The following CES5A variants were observed in gnomAD, a reference collection of about 807,000 sequenced individuals.
The protein encoded by CES5A is carboxylesterase 5.
A neutral mutation model predicts 62.9 loss-of-function variants in CES5A; 67 were observed. That is an observed-to-expected ratio of 1.07 (90% CI 0.88 to 1.31). The LOEUF (loss-of-function observed/expected upper bound fraction) is 1.31. Among genes scored for constraint, CES5A ranks in the 50% most tolerant of loss-of-function variants. CES5A has a pLI of 0.00. For missense variants in CES5A, 748 were observed against 708.5 expected (o/e 1.06, Z -0.63); for synonymous variants, 296 against 280.8 (o/e 1.05, Z -0.54).
intron 7 of CES5A, among the ~76,000 whole-genome samples, chr16:55,859,961 G>T (rs1489199443): frequency 6.6e-6 from 1 of 152,102 alleles, no homozygotes; most frequent in Non-Finnish European, 1.5e-5. Context: ...AAAAACAGTG[G>T]CCTGTTATAT....
At position 55,871,759 on chromosome 16, in the gene CES5A, G is replaced by A. The variant is rs760284149; in HGVS notation, c.283C>T (p.Leu95Phe). Residue 95 changes from leucine (L) to phenylalanine (F), a missense_variant, in exon 3 of 13, where the codon CTC becomes TTC. Coordinates refer to ENST00000290567, the MANE Select transcript of CES5A (RefSeq NM_001143685.2). The part of the protein sequence containing the change: ...REATSYPNLC[L>F]QNSEWLLLDQ... ...AAGAGCAGCCACTCTGAGTTCTGGA[G>A]GCACCTTGGAGAAGGAGAGGAGAAA... The A allele has an allele frequency of 1.5e-5, 24 of 1,613,902 alleles. No individual in the cohort carries two copies. The highest frequency in any genetic ancestry group is 2.0e-5 in the Non-Finnish European group (24 of 1,179,940).
At chr16:55,883,571 G>C (rs2033783718) in intron 1 of CES5A, among the ~76,000 whole-genome samples, 1 of 152,166 alleles carries the variant, frequency 6.6e-6, no homozygotes, top group Admixed American at 6.5e-5. Flanking sequence ...CTGCACCCGG[G>C]CCACCGTTGC....
At chr16:55,944,310 T>C in intron 2 of CES5A, 1 of 580,038 alleles carries the variant, frequency 1.7e-6, no homozygotes, top group South Asian at 2.2e-5. Flanking sequence ...TGAGAAGATC[T>C]AATGAAGTAA....
At chr16:55,884,103 T>C (rs1422840220) in intron 1 of CES5A, among the ~76,000 whole-genome samples, 7 of 152,234 alleles carry the variant, frequency 4.6e-5, no homozygotes, top group East Asian at 1.9e-4. Context: ...ATTATCATGG[T>C]ATATACTTGC....
chr16:55,945,392 T>C (rs1442802398), intron 2 of CES5A, among the ~76,000 whole-genome samples: 1 of 152,266 alleles, frequency 6.6e-6, no homozygotes, highest in African/African-American at 2.4e-5. Context: ...CCAGGAGCGC[T>C]GCCTTCAGCT....
intron 10 of CES5A, 40 bp from the exon 11 acceptor site, chr16:55,849,813 C>CG (rs758034568): frequency 6.2e-7 from 1 of 1,603,180 alleles, no homozygotes; most frequent in Non-Finnish European, 8.5e-7. Flanking sequence ...GCATGCAGCG[C>CG]GGAGCAGGGG....
chr16:55,865,292 G>T (rs547263293), intron 5 of CES5A, among the ~76,000 whole-genome samples: 1 of 152,214 alleles, frequency 6.6e-6, no homozygotes, highest in East Asian at 1.9e-4. Context: ...TATAGATATA[G>T]ATATATAGAT....
intron 2 of CES5A, among the ~76,000 whole-genome samples, chr16:55,934,475 G>T (rs2034347176): frequency 6.6e-6 from 1 of 152,204 alleles, no homozygotes; most frequent in Non-Finnish European, 1.5e-5. Context: ...ACTGGACTTA[G>T]AAATGTTTCC....
chr16:55,905,480 C>A (rs2034031721), intron 1 of CES5A, among the ~76,000 whole-genome samples: 1 of 151,994 alleles, frequency 6.6e-6, no homozygotes, highest in African/African-American at 2.4e-5. Flanking sequence ...AATTCTCCTG[C>A]CTCAGCCTCC....
intron 1 of CES5A, among the ~76,000 whole-genome samples, chr16:55,893,959 C>A (rs1215067033): frequency 6.6e-6 from 1 of 151,776 alleles, no homozygotes; most frequent in Non-Finnish European, 1.5e-5. Context: ...AAAACTAAGG[C>A]TTAAAAAACT....
intron 3 of CES5A, among the ~76,000 whole-genome samples, chr16:55,869,989 G>A (rs1567332852): frequency 6.6e-6 from 1 of 152,116 alleles, no homozygotes; most frequent in Non-Finnish European, 1.5e-5. Flanking sequence ...TTAGCCTAAG[G>A]CTCATTTTTC....
chr16:55,955,711 G>A, intron 1 of CES5A: 1 of 928,420 alleles, frequency 1.1e-6, no homozygotes, highest in Non-Finnish European at 1.6e-6. Context: ...TATCCATCTA[G>A]CCTACCGTGG....
chr16:55,887,232 G>C (rs1246211649), intron 1 of CES5A, among the ~76,000 whole-genome samples: 1 of 151,940 alleles, frequency 6.6e-6, no homozygotes, highest in African/African-American at 2.4e-5. Flanking sequence ...CAGAGCCTAG[G>C]CTCTGTGGAA....
rs1426114771 is a variant in CES5A, at chr16:55,874,010, T to C, written c.101A>G (p.Asn34Ser). 3.7e-6 allele frequency: 6 copies of C among 1,608,522 alleles called. No homozygotes were observed. Among genetic ancestry groups the C allele is most frequent in the Admixed American group, 1.7e-5 (1 of 59,192 alleles). The change falls in exon 2 of 13, where the codon AAC becomes AGC. Residue 34 changes from asparagine (N) to serine (S), a missense_variant. Transcript: ENST00000290567. ...KGPSAEGPQR[N>S]TRLGWIQGKQ... ...GCCCTGAATCCATCCCAGCCTGGTG[T>C]TCCTCTGTGGCCCTTCAGCAGAAGG...
At chr16:55,950,063 T>C (rs2034538543) in intron 1 of CES5A, among the ~76,000 whole-genome samples, 1 of 151,916 alleles carries the variant, frequency 6.6e-6, no homozygotes, top group Non-Finnish European at 1.5e-5. Context: ...CCACAGTAGA[T>C]GAAAAAGTTA....
At chr16:55,851,504 G>A (rs2033132531) in intron 10 of CES5A, among the ~76,000 whole-genome samples, 1 of 152,336 alleles carries the variant, frequency 6.6e-6, no homozygotes, top group Admixed American at 6.5e-5. Flanking sequence ...AATAACAAAT[G>A]TTGGTCAAGA....
chr16:55,928,089 A>G (rs956800815), upstream of CES5A, among the ~76,000 whole-genome samples: 26 of 152,184 alleles, frequency 1.7e-4, no homozygotes, highest in African/African-American at 6.0e-4. Context: ...TAAAAATAGA[A>G]AAAATTAGCT....
In CES5A at chr16:55,849,862, T is replaced by G. The variant is rs948403403; in HGVS notation, c.1274-89A>C. ...CCCCACCTATCAAGTCTTGGATGTATAGACCCAGGGGTGGGACAGCTCAGA... is the reference window on the plus strand; with the variant it reads ...CCCCACCTATCAAGTCTTGGATGTAGAGACCCAGGGGTGGGACAGCTCAGA... On this transcript the variant is annotated intron_variant, in intron 10 of 12. Transcript: ENST00000290567. 10 of 1,423,978 alleles carry G rather than the reference T, an allele frequency of 7.0e-6. No homozygotes were observed. The Admixed American group carries it at 1.2e-4, about 16-fold the overall frequency. 88.2% of individuals were successfully genotyped at this position (1,423,978 alleles called of 1,614,324 possible).
chr16:55,925,844 T>C (rs1340287539), upstream of CES5A, among the ~76,000 whole-genome samples: 7 of 151,834 alleles, frequency 4.6e-5, no homozygotes, highest in Non-Finnish European at 1.0e-4. Flanking sequence ...ACAGAGTAAA[T>C]AGACAACCTA....
Sources: allele counts gnomAD v4.1 joint callset (sites outside exome capture counted in the v4.1 genomes callset), GRCh38; gene constraint gnomAD v4.1.1; transcripts MANE v1.5; gene names NCBI Gene and HGNC (gene_info 2026-07-23, HGNC 2026-07-21).